Variants in HDAC9 observed in about 807,000 individuals in gnomAD.
HDAC9 encodes histone deacetylase 9, also known as MEF-2 interacting transcription repressor (MITR) protein.
HDAC9 carries 41 observed loss-of-function variants against 139.4 expected under a neutral mutation model. The ratio of observed to expected loss-of-function variants is 0.29; its 90% CI spans 0.23 to 0.38. The LOEUF (loss-of-function observed/expected upper bound fraction) is 0.38. Among genes scored for constraint, HDAC9 ranks in the 10% least tolerant of loss-of-function variants. The pLI, the probability that HDAC9 is intolerant of heterozygous loss-of-function variation, is 1.00. For synonymous variants in HDAC9, 517 were observed against 476.2 expected (o/e 1.09, Z -1.12); for missense variants, 1,147 against 1,297.0 (o/e 0.88, Z 1.78).
intron 1 of HDAC9, among the ~76,000 whole-genome samples, chr7:18,102,926 A>G (rs1321952560): frequency 1.3e-5 from 2 of 152,226 alleles, no homozygotes; most frequent in Non-Finnish European, 2.9e-5. Context: ...TGGCAGAGCA[A>G]CAAGATTTTT....
intron 13 of HDAC9, among the ~76,000 whole-genome samples, chr7:18,743,426 A>T (rs1189496188): frequency 2.0e-5 from 3 of 152,168 alleles, no homozygotes; most frequent in Non-Finnish European, 4.4e-5. Flanking sequence ...CAATTTATCA[A>T]TTTTTTTAAA....
intron 2 of HDAC9, among the ~76,000 whole-genome samples, chr7:18,279,779 A>C (rs976756106): frequency 1.1e-4 from 17 of 151,936 alleles, no homozygotes; most frequent in African/African-American, 3.6e-4. Flanking sequence ...TTACTCATTT[A>C]ATAAGGACAA....
chr7:18,244,714 C>T (rs945007437), intron 2 of HDAC9, among the ~76,000 whole-genome samples: 1 of 152,172 alleles, frequency 6.6e-6, no homozygotes. Flanking sequence ...GGGAGAATGG[C>T]GTGAACCCGG....
At chr7:18,200,656 T>C (rs767247707) in intron 2 of HDAC9, among the ~76,000 whole-genome samples, 1 of 152,090 alleles carries the variant, frequency 6.6e-6, no homozygotes, top group Non-Finnish European at 1.5e-5. Flanking sequence ...CAATTGGGAG[T>C]TCAACATTAT....
chr7:18,395,345 A>C (rs1481996967), intron 1 of HDAC9, among the ~76,000 whole-genome samples: 1 of 152,164 alleles, frequency 6.6e-6, no homozygotes, highest in Non-Finnish European at 1.5e-5. Flanking sequence ...ATGTGTGAAA[A>C]TGCAACATAA....
rs5882659 is a variant in HDAC9 at position 18,356,358 on chromosome 7, GTTTTTTTT to G, written c.-42+65863_-42+65870del. On this transcript the variant is annotated intron_variant, in intron 1 of 3. Coordinates refer to the HDAC9 transcript ENST00000413509. Reference sequence around the variant, plus strand: ...GTAGCCTCTAGAGGGCAGCACATAGGTTTTTTTTTTTTTTTTTTTTTTTTTTTAAAGAC... The same window carrying G: ...GTAGCCTCTAGAGGGCAGCACATAGGTTTTTTTTTTTTTTTTTTTAAAGAC... Among the ~76,000 whole-genome samples the G allele has an allele frequency of 7.6e-4, 42 of 55,162 alleles. 1 individual carries two copies. Among genetic ancestry groups the G allele is most frequent in the South Asian group, 1.8e-3 (2 of 1,102 alleles). The allele number at this position is 55,162 out of a possible 152,430, so 36.2% of individuals were successfully genotyped here. A position where few individuals can be genotyped will look rare whatever the true frequency, so the allele number is the denominator to read the frequency against.
At chr7:18,420,604 TA>T (rs1454893988) in intron 1 of HDAC9, among the ~76,000 whole-genome samples, 4 of 152,204 alleles carry the variant, frequency 2.6e-5, no homozygotes, top group African/African-American at 9.6e-5. Context: ...TTTACTTGTT[TA>T]TTCACTGACT....
intron 2 of HDAC9, among the ~76,000 whole-genome samples, chr7:18,534,611 C>A (rs1168092172): frequency 6.6e-6 from 1 of 152,098 alleles, no homozygotes; most frequent in Non-Finnish European, 1.5e-5. Context: ...GCATTTCTCA[C>A]CTTATGAGTC....
At chr7:18,955,334 T>C (rs1267405926) in intron 24 of HDAC9, among the ~76,000 whole-genome samples, 3 of 152,130 alleles carry the variant, frequency 2.0e-5, no homozygotes, top group Non-Finnish European at 4.4e-5. Flanking sequence ...GAGGGTCTAT[T>C]ACATGTCATT....
chr7:18,435,040 C>G (rs577899727), intron 1 of HDAC9, among the ~76,000 whole-genome samples: 1 of 121,680 alleles, frequency 8.2e-6, no homozygotes, highest in South Asian at 2.6e-4. Flanking sequence ...TATCTATACC[C>G]CATGAAATAC....
intron 2 of HDAC9, among the ~76,000 whole-genome samples, chr7:18,262,111 A>T (rs916733374): frequency 6.6e-6 from 1 of 152,240 alleles, no homozygotes; most frequent in Non-Finnish European, 1.5e-5. Context: ...TTGTTTCTTT[A>T]AAAATAAAAC....
chr7:18,252,607 A>G (rs1183738902), intron 2 of HDAC9, among the ~76,000 whole-genome samples: 1 of 152,126 alleles, frequency 6.6e-6, no homozygotes, highest in Non-Finnish European at 1.5e-5. Context: ...AACACTTTGA[A>G]TGTATTACTT....
chr7:18,443,722 A>G (rs1042222478), intron 1 of HDAC9, among the ~76,000 whole-genome samples: 2 of 152,022 alleles, frequency 1.3e-5, no homozygotes, highest in Non-Finnish European at 2.9e-5. Flanking sequence ...GATCATAAAT[A>G]TGTGTTGGAT....
chr7:18,096,046 G>GT (rs1446985750), intron 1 of HDAC9, among the ~76,000 whole-genome samples: 1 of 152,098 alleles, frequency 6.6e-6, no homozygotes, highest in Non-Finnish European at 1.5e-5. Context: ...GTTTAATGAG[G>GT]TATCACCTGA....
chr7:18,982,751 C>G (rs1159137877), intron 25 of HDAC9, among the ~76,000 whole-genome samples: 1 of 152,142 alleles, frequency 6.6e-6, no homozygotes, highest in African/African-American at 2.4e-5. Context: ...ATTTCTTAAT[C>G]TGACTTATTT....
intron 22 of HDAC9, among the ~76,000 whole-genome samples, chr7:18,890,962 C>T (rs71524257): frequency 0.011 from 1,604 of 152,320 alleles, 11 homozygotes; most frequent in Middle Eastern, 0.014. Context: ...GTACTGACCT[C>T]CAGCAGTCTA....
At chr7:18,187,094 A>G (rs1789974390) in intron 2 of HDAC9, among the ~76,000 whole-genome samples, 2 of 152,220 alleles carry the variant, frequency 1.3e-5, no homozygotes, top group South Asian at 2.1e-4. Context: ...ATAATTTATT[A>G]TTCAATAAGT....
At chr7:18,840,398 T>C (rs940906859) in intron 21 of HDAC9, among the ~76,000 whole-genome samples, 2 of 152,094 alleles carry the variant, frequency 1.3e-5, no homozygotes, top group Admixed American at 1.3e-4. Flanking sequence ...GGGAAAACTC[T>C]GACCCAGAAG....
intron 1 of HDAC9, among the ~76,000 whole-genome samples, chr7:18,420,078 T>C (rs1027807893): frequency 1.7e-4 from 26 of 152,216 alleles, no homozygotes; most frequent in African/African-American, 6.0e-4. Context: ...CTGTGTGAGA[T>C]AAACAAAACT....
Sources: allele counts gnomAD v4.1 joint callset (sites outside exome capture counted in the v4.1 genomes callset), GRCh38; gene constraint gnomAD v4.1.1; transcripts MANE v1.5; gene names NCBI Gene and HGNC (gene_info 2026-07-23, HGNC 2026-07-21).